The following RBFOX1 variants were observed in gnomAD, a reference collection of about 807,000 sequenced individuals.
The protein encoded by RBFOX1 is RNA binding fox-1 homolog 1.
In RBFOX1, 8 loss-of-function variants were observed where a neutral mutation model predicts 57.7. The ratio of observed to expected loss-of-function variants is 0.14; its 90% confidence interval spans 0.08 to 0.25. The LOEUF is 0.25. Among genes scored for constraint, RBFOX1 ranks in the 10% least tolerant of loss-of-function variants. The probability of loss-of-function intolerance (pLI) is 1.00; values close to 1 mark genes in which losing one functional copy is unlikely to be tolerated. For missense variants in RBFOX1, 611 were observed against 548.5 expected (o/e 1.11, Z -1.14); for synonymous variants, 326 against 222.4 (o/e 1.47, Z -4.15).
chr16:7,320,749 G>A (rs148801625), intron 4 of RBFOX1, among the ~76,000 whole-genome samples: 3 of 152,222 alleles, frequency 2.0e-5, no homozygotes, highest in Non-Finnish European at 4.4e-5. Flanking sequence ...CATGAATAAA[G>A]CTCAAACACT....
chr16:7,628,298 A>G (rs986462914), intron 10 of RBFOX1, among the ~76,000 whole-genome samples: 2 of 152,164 alleles, frequency 1.3e-5, no homozygotes, highest in African/African-American at 4.8e-5. Flanking sequence ...CCTATCGTAG[A>G]TGATTCCGAC....
chr16:5,459,468 A>G (rs921699609), intron 1 of RBFOX1, among the ~76,000 whole-genome samples: 11 of 151,522 alleles, frequency 7.3e-5, no homozygotes, highest in African/African-American at 2.7e-4. Context: ...TTCCGTTTAG[A>G]CCTCCTCTCT....
chr16:6,972,070 A>C (rs1036918267), intron 3 of RBFOX1, among the ~76,000 whole-genome samples: 2 of 152,182 alleles, frequency 1.3e-5, no homozygotes, highest in African/African-American at 4.8e-5. Context: ...TAACAAAGAG[A>C]TATATTACAG....
rs1042749836 is a variant in RBFOX1 at position 7,579,988 on chromosome 16, A to T, written c.414+68A>T. On this transcript the variant is annotated intron_variant, in intron 6 of 15. Coordinates refer to ENST00000550418, the MANE Select transcript of RBFOX1 (RefSeq NM_018723.4). ...TCCAGAGACCTCCCTGTCTCATGTA[A>T]GTTTGGGGTATTTACAATACTAAGG... 4.6e-6 allele frequency: 7 copies of T among 1,537,746 alleles called. No individual in the cohort carries two copies. The South Asian group carries it at 8.1e-5, about 18-fold the overall frequency.
At chr16:6,904,876 A>C (rs777769111) in intron 3 of RBFOX1, among the ~76,000 whole-genome samples, 1 of 152,106 alleles carries the variant, frequency 6.6e-6, no homozygotes, top group Non-Finnish European at 1.5e-5. Context: ...GTTTCTCTCT[A>C]TTACACTTTT....
intron 4 of RBFOX1, among the ~76,000 whole-genome samples, chr16:7,418,772 G>GTCTCTATCTC (rs1555883826): frequency 1.5e-5 from 1 of 65,414 alleles, no homozygotes; most frequent in African/African-American, 4.9e-5. Context: ...CACTGTGTCT[G>GTCTCTATCTC]TGTCTCTATC....
intron 2 of RBFOX1, among the ~76,000 whole-genome samples, chr16:6,446,737 G>A (rs1271736563): frequency 6.6e-6 from 1 of 152,092 alleles, no homozygotes; most frequent in Non-Finnish European, 1.5e-5. Flanking sequence ...TACTATAAAT[G>A]TTATTCTAAA....
rs564963855 is a variant in RBFOX1 at position 7,045,652 on chromosome 16, C to CTT, written c.-15-6395_-15-6394dup. ...TTAAAAATATTAATCTTGTTATATA[C>CTT]TTTTTTTTTTTCAATAGAGCGAGAC... On this transcript the variant is annotated intron_variant, in intron 3 of 15. Coordinates refer to ENST00000550418, the MANE Select transcript of RBFOX1 (RefSeq NM_018723.4). Among the ~76,000 whole-genome samples the CTT allele has an allele frequency of 2.3e-3, 335 of 144,034 alleles. 3 individuals are homozygous for CTT. Among genetic ancestry groups the CTT allele is most frequent in the African/African-American group, 8.4e-3 (317 of 37,736 alleles). 94.5% of individuals were successfully genotyped at this position (144,034 alleles called of 152,430 possible).
chr16:7,539,655 G>C (rs1407552288), intron 5 of RBFOX1, among the ~76,000 whole-genome samples: 1 of 152,198 alleles, frequency 6.6e-6, no homozygotes, highest in Non-Finnish European at 1.5e-5. Context: ...TGAAATGCAG[G>C]AATAAGGATA....
chr16:7,109,837 G>A (rs1034584834), intron 4 of RBFOX1, among the ~76,000 whole-genome samples: 2 of 152,142 alleles, frequency 1.3e-5, no homozygotes, highest in African/African-American at 4.8e-5. Context: ...TGCACTACGT[G>A]ATGAGGTGAG....
intron 1 of RBFOX1, among the ~76,000 whole-genome samples, chr16:6,169,293 A>G (rs1475898750): frequency 6.6e-6 from 1 of 152,174 alleles, no homozygotes; most frequent in African/African-American, 2.4e-5. Flanking sequence ...CTAATGGACC[A>G]CTAAGGATTA....
chr16:7,704,724 G>T lies in RBFOX1; in HGVS notation c.996-4332G>T, dbSNP rs187965819. ...TTAGAGTTGCTATACAACATGAAGG[G>T]GTAGGGATGAAGTTGGAAAGTGCCC... is the stretch of plus-strand genomic sequence containing the variant. On this transcript the variant is annotated intron_variant, in intron 14 of 15. Coordinates refer to ENST00000550418, the MANE Select transcript of RBFOX1 (RefSeq NM_018723.4). Among the ~76,000 whole-genome samples, 597 of 152,228 alleles carry T rather than the reference G, an allele frequency of 3.9e-3. 7 individuals carry two copies. Among genetic ancestry groups the T allele is most frequent in the Non-Finnish European group, 7.4e-3 (506 of 68,010 alleles).
intron 4 of RBFOX1, among the ~76,000 whole-genome samples, chr16:7,101,920 T>C (rs985746616): frequency 6.6e-6 from 1 of 152,166 alleles, no homozygotes; most frequent in Non-Finnish European, 1.5e-5. Flanking sequence ...TTTACGAGGA[T>C]TGAAGCATAG....
chr16:6,671,876 C>T (rs972853278), intron 3 of RBFOX1, among the ~76,000 whole-genome samples: 53 of 152,174 alleles, frequency 3.5e-4, no homozygotes, highest in African/African-American at 1.3e-3. Flanking sequence ...TTTTGTGTGC[C>T]ATTTTACATT....
In RBFOX1 at chr16:6,019,457, A is replaced by G; in HGVS notation, c.-662A>G. Reference sequence around the variant, plus strand: ...GGCCGCGTCGGGTGGGGAAACCCGAACTCGCGGAGGGGAATCCCTCCCCCT... The same window carrying G: ...GGCCGCGTCGGGTGGGGAAACCCGAGCTCGCGGAGGGGAATCCCTCCCCCT... On this transcript the variant is annotated 5_prime_UTR_variant, in exon 1 of 16. Coordinates refer to ENST00000550418, the MANE Select transcript of RBFOX1 (RefSeq NM_018723.4). The surrounding 1 kb of genome is among the most constrained non-coding windows in gnomAD (Gnocchi z 4.2). 1 of 991,536 alleles carries G rather than the reference A, an allele frequency of 1.0e-6. No individual in the cohort carries two copies. The highest frequency in any genetic ancestry group is 1.2e-6 in the Non-Finnish European group (1 of 834,542). The allele number at this position is 991,536 out of a possible 1,614,324, so 61.4% of individuals were successfully genotyped here.
chr16:6,789,558 G>A (rs1333489909), intron 3 of RBFOX1, among the ~76,000 whole-genome samples: 1 of 152,140 alleles, frequency 6.6e-6, no homozygotes, highest in Non-Finnish European at 1.5e-5. Flanking sequence ...CTCAATAGGC[G>A]CCATTTTCTG....
chr16:6,796,356 C>A (rs1452760479), intron 3 of RBFOX1, among the ~76,000 whole-genome samples: 1 of 152,078 alleles, frequency 6.6e-6, no homozygotes, highest in East Asian at 1.9e-4. Context: ...CACAGCCAAA[C>A]CATATCAGTT....
chr16:5,660,102 C>G (rs909320777), intron 3 of RBFOX1, among the ~76,000 whole-genome samples: 1 of 152,194 alleles, frequency 6.6e-6, no homozygotes, highest in African/African-American at 2.4e-5. Context: ...TTAAAAATCT[C>G]TCATTTAGAT....
chr16:6,793,557 C>T (rs562376696), intron 3 of RBFOX1, among the ~76,000 whole-genome samples: 1 of 152,118 alleles, frequency 6.6e-6, no homozygotes, highest in African/African-American at 2.4e-5. Context: ...GCCTACATTT[C>T]AATTCTTGGC....
Sources: gnomAD v4.1 joint callset for allele counts (sites outside exome capture counted in the v4.1 genomes callset) on GRCh38, gnomAD v4.1.1 for gene constraint, Gnocchi (gnomAD v3.1) non-coding constraint, MANE v1.5 for transcripts, NCBI Gene and HGNC (gene_info 2026-07-23, HGNC 2026-07-21) for gene names.